The following TSC22D4 variants were observed in gnomAD, a reference collection of about 807,000 sequenced individuals.
TSC22D4 encodes the protein TSC22 domain family protein 4.
Under a neutral mutation model 24.9 loss-of-function variants are expected in TSC22D4, and 5 were observed. The ratio of observed to expected loss-of-function variants is 0.20; its 90% CI spans 0.10 to 0.42. The LOEUF (loss-of-function observed/expected upper bound fraction) is 0.42, where lower values mean the gene tolerates loss of function less well. Ranked by LOEUF, TSC22D4 falls within the 10% of genes least tolerant of loss-of-function variation. The pLI is 1.00. For missense variants in TSC22D4, 469 were observed against 547.9 expected (o/e 0.86, Z 1.44); for synonymous variants, 245 against 243.2 (o/e 1.01, Z -0.07).
intron 2 of TSC22D4, among the ~76,000 whole-genome samples, chr7:100,475,149 T>A (rs1962268): frequency 0.032 from 4,926 of 152,258 alleles, 106 homozygotes; most frequent in Non-Finnish European, 0.049. Flanking sequence ...AGTGACGTGA[T>A]CTTGGCTCAC....
chr7:100,470,851 C>T (rs992856147), intron 3 of TSC22D4, among the ~76,000 whole-genome samples: 1 of 152,106 alleles, frequency 6.6e-6, no homozygotes, highest in Non-Finnish European at 1.5e-5. Flanking sequence ...GGAAAACTGT[C>T]GTGACTTCAA....
At chr7:100,468,835 G>C (rs760322824) in intron 3 of TSC22D4, among the ~76,000 whole-genome samples, 1 of 152,132 alleles carries the variant, frequency 6.6e-6, no homozygotes, top group East Asian at 1.9e-4. Context: ...TACTCAGGAG[G>C]CTGAGGCAGG....
chr7:100,467,882 C>G lies in TSC22D4; in HGVS notation c.930-282G>C, dbSNP rs1055110840. On this transcript the variant is annotated intron_variant, in intron 3 of 4. Transcript: ENST00000300181. ...TTTCGGGGCAGCCCCGGAGCCATCC[C>G]CACCACTCGGGTCTCATAAGACGAC... 4.8e-6 allele frequency: 3 copies of G among 627,792 alleles called. No homozygotes were observed. The African/African-American group carries it at 5.4e-5, about 11-fold the overall frequency. 38.9% of individuals were successfully genotyped at this position (627,792 alleles called of 1,614,324 possible).
intron 4 of TSC22D4, 31 bp from the exon 5 acceptor site, chr7:100,467,199 C>T (rs749209061): frequency 2.2e-5 from 36 of 1,609,444 alleles, no homozygotes; most frequent in East Asian, 6.7e-5. Flanking sequence ...ACAGCGTCAA[C>T]GGGGTGGGTG....
chr7:100,477,897 G>C lies in TSC22D4; in HGVS notation c.142C>G (p.Pro48Ala). ...CCCTTGCCCCCCGGATCGGGGCTGGGCTCCCCATTGGGCAGGCGGGGCGGG... is the reference window on the plus strand; with the variant it reads ...CCCTTGCCCCCCGGATCGGGGCTGGCCTCCCCATTGGGCAGGCGGGGCGGG... ...GPPPRLPNGE[P>A]SPDPGGKGTP... Residue 48 changes from proline to alanine, a missense_variant, in exon 2 of 5, where the codon CCC becomes GCC. Physicochemically the swap from Pro to Ala is conservative, Grantham distance 27 (BLOSUM62 -1). Transcript: ENST00000300181. This position sits in a 1 kb window ranked among gnomAD's most constrained non-coding sequence, Gnocchi z 7.8. 2 of 1,569,474 alleles carry C rather than the reference G, an allele frequency of 1.3e-6. No homozygotes were observed. Among genetic ancestry groups the C allele is most frequent in the African/African-American group, 2.7e-5 (2 of 74,246 alleles).
rs1480286269 is a variant in TSC22D4 at position 100,466,620 on chromosome 7, A to G, written c.*339T>C. 3 of 329,624 alleles carry G rather than the reference A, an allele frequency of 9.1e-6. No individual in the cohort carries two copies. The highest frequency in any genetic ancestry group is 6.4e-5 in the African/African-American group (3 of 46,856). The allele number at this position is 329,624 out of a possible 1,614,324, so 20.4% of individuals were successfully genotyped here. On this transcript the variant is annotated 3_prime_UTR_variant, in exon 5 of 5. Coordinates refer to ENST00000300181, the MANE Select transcript of TSC22D4 (RefSeq NM_030935.5). ...CCACACTCCCTCCCCTGGGCAGAGG[A>G]GAGGAGGCACCTCAAGGGAACAAGA...
At chr7:100,467,297 G>A in intron 4 of TSC22D4, 129 bp from the exon 5 acceptor site, 4 of 1,065,158 alleles carry the variant, frequency 3.8e-6, no homozygotes, top group Non-Finnish European at 5.8e-6. Context: ...GGAAGGGACA[G>A]GGGAAAAGGA....
At chr7:100,469,615 C>T (rs1799357085) in intron 3 of TSC22D4, among the ~76,000 whole-genome samples, 1 of 152,158 alleles carries the variant, frequency 6.6e-6, no homozygotes, top group South Asian at 2.1e-4. Flanking sequence ...TGCCCTGAGG[C>T]TCCCGACCCA....
Position 100,474,340 on chromosome 7 carries a change from G to T in TSC22D4, c.863C>A (p.Ala288Asp). Residue 288 changes from alanine (A) to aspartate (D), a missense_variant, in exon 3 of 5, where the codon GCT (alanine) becomes GAT (aspartate). By Grantham distance (126) the Ala-to-Asp change is moderately radical. Transcript: ENST00000300181. This position sits in a 1 kb window ranked among gnomAD's most constrained non-coding sequence, Gnocchi z 4.3. ...KSPDPFGAVA[A>D]QKFSLAHSML... is the part of the protein sequence containing the mutation. ...GGAGTGGGCCAGGCTGAACTTCTGA[G>T]CTGCTACTGCTCCGAAGGGGTCTGG... The T allele has an allele frequency of 6.2e-7, 1 of 1,614,166 alleles. No individual in the cohort carries two copies.
At chr7:100,478,484 A>G in intron 1 of TSC22D4, among the ~76,000 whole-genome samples, 177 bp from the exon 2 acceptor site, 1 of 151,722 alleles carries the variant, frequency 6.6e-6, no homozygotes, top group East Asian at 1.9e-4. Context: ...ACCCAGAGAC[A>G]GGCAAGAGAT....
At position 100,477,573 on chromosome 7, in the gene TSC22D4, G is replaced by T; in HGVS notation, c.466C>A (p.Pro156Thr). 1 of 1,584,360 alleles carries T rather than the reference G, an allele frequency of 6.3e-7. No homozygotes were observed. Among genetic ancestry groups the T allele is most frequent in the Non-Finnish European group, 8.6e-7 (1 of 1,166,100 alleles). The change falls in exon 2 of 5, where the codon CCC becomes ACC. Residue 156 changes from proline (P) to threonine (T), a missense_variant. Coordinates refer to ENST00000300181, the MANE Select transcript of TSC22D4 (RefSeq NM_030935.5). This position sits in a 1 kb window ranked among gnomAD's most constrained non-coding sequence, Gnocchi z 7.8. ...QGPTSWLRPPPTSPGPQARSF... is the reference protein window; with the variant it reads ...QGPTSWLRPPTTSPGPQARSF... ...CGGGCCTGAGGTCCAGGAGAGGTGG[G>T]GGGTGGACGGAGCCAGGAGGTGGGG...
chr7:100,470,364 C>T lies in TSC22D4; in HGVS notation c.930-2764G>A, dbSNP rs532265066. Among the ~76,000 whole-genome samples the T allele has an allele frequency of 3.9e-5, 6 of 152,270 alleles. No homozygotes were observed. In the South Asian group the frequency reaches 1.0e-3, roughly 26 times the overall value. ...CTGGAGTGCAATGGCGGGATTTTCC[C>T]TCATTGGAACCTCCACCTCTGGGTT... On this transcript the variant is annotated intron_variant, in intron 3 of 4. Transcript: ENST00000300181.
intron 3 of TSC22D4, among the ~76,000 whole-genome samples, chr7:100,469,092 T>C (rs1275848698): frequency 6.7e-6 from 1 of 150,210 alleles, no homozygotes; most frequent in Non-Finnish European, 1.5e-5. Context: ...CTGGGCATGG[T>C]GGGGGGTGCC....
rs1186661148 is a variant in TSC22D4 at position 100,466,901 on chromosome 7, G to T, written c.*58C>A. 2.1e-6 allele frequency: 3 copies of T among 1,439,710 alleles called. No homozygotes were observed. The highest frequency in any genetic ancestry group is 9.3e-7 in the Non-Finnish European group (1 of 1,075,808). 89.2% of individuals were successfully genotyped at this position (1,439,710 alleles called of 1,614,324 possible). A position where few individuals can be genotyped will look rare whatever the true frequency, so the allele number is the denominator to read the frequency against. On this transcript the variant is annotated 3_prime_UTR_variant, in exon 5 of 5. Transcript: ENST00000300181. Reference sequence around the variant, plus strand: ...CATTAAAGCTGCATAGGAAGAGGGGGCAGGCGGCTGACGCAAGGCCGGGCA... The same window carrying T: ...CATTAAAGCTGCATAGGAAGAGGGGTCAGGCGGCTGACGCAAGGCCGGGCA...
At chr7:100,472,800 G>A (rs1409501700) in intron 3 of TSC22D4, among the ~76,000 whole-genome samples, 2 of 145,246 alleles carry the variant, frequency 1.4e-5, no homozygotes, top group Non-Finnish European at 3.0e-5. Flanking sequence ...CCCTGAGGCC[G>A]CAGGACCCTA....
intron 3 of TSC22D4, among the ~76,000 whole-genome samples, chr7:100,472,536 C>T (rs1041794139): frequency 3.4e-5 from 5 of 147,620 alleles, no homozygotes; most frequent in African/African-American, 1.2e-4. Flanking sequence ...GGGGGAGGGA[C>T]GGGGAGTCCT....
At chr7:100,469,182 G>A (rs1344825767) in intron 3 of TSC22D4, among the ~76,000 whole-genome samples, 3 of 150,908 alleles carry the variant, frequency 2.0e-5, no homozygotes, top group Non-Finnish European at 2.9e-5. Context: ...AGCCGAGATC[G>A]TGCCACTGAA....
intron 2 of TSC22D4, among the ~76,000 whole-genome samples, chr7:100,476,651 T>C (rs1799501533): frequency 6.6e-6 from 1 of 152,120 alleles, no homozygotes; most frequent in Admixed American, 6.5e-5. Flanking sequence ...GAGGCTCAGA[T>C]GGACGGGGGT....
intron 3 of TSC22D4, among the ~76,000 whole-genome samples, chr7:100,473,224 T>C (rs767085365): frequency 3.2e-4 from 49 of 152,236 alleles, no homozygotes; most frequent in Non-Finnish European, 6.3e-4. Context: ...GTGCTGCCCC[T>C]GCCCCTTTGC....
Sources: gnomAD v4.1 joint callset for allele counts (sites outside exome capture counted in the v4.1 genomes callset) on GRCh38, gnomAD v4.1.1 for gene constraint, Gnocchi (gnomAD v3.1) non-coding constraint, MANE v1.5 for transcripts, NCBI Gene and HGNC (gene_info 2026-07-23, HGNC 2026-07-21) for gene names.